Variants in AOPEP observed in about 807,000 individuals in gnomAD.
AOPEP encodes the protein aminopeptidase O (putative), also known as aminopeptidase O.
In AOPEP, 77 loss-of-function variants were observed where a neutral mutation model predicts 98.1. That is an observed-to-expected ratio of 0.78 (90% confidence interval 0.65 to 0.95). AOPEP has a LOEUF of 0.95. Among genes scored for constraint, AOPEP ranks in the 40% least tolerant of loss-of-function variants. The probability of loss-of-function intolerance (pLI) is 0.00; values close to 1 mark genes in which losing one functional copy is unlikely to be tolerated. For synonymous variants in AOPEP, 346 were observed against 365.3 expected (o/e 0.95, Z 0.60); for missense variants, 1,024 against 1,024.7 (o/e 1.00, Z 0.01).
intron 13 of AOPEP, among the ~76,000 whole-genome samples, chr9:95,009,270 A>T (rs1261344874): frequency 7.2e-6 from 1 of 139,698 alleles, no homozygotes; most frequent in African/African-American, 2.7e-5. Flanking sequence ...TCACAGATTA[A>T]GGAATGTTTT....
chr9:94,914,421 A>G (rs1464824368), intron 5 of AOPEP, among the ~76,000 whole-genome samples: 3 of 152,222 alleles, frequency 2.0e-5, no homozygotes, highest in East Asian at 3.8e-4. Flanking sequence ...TTTCACCAGG[A>G]TGAATCATAA....
chr9:94,742,505 G>T (rs1368619955), intron 1 of AOPEP, among the ~76,000 whole-genome samples: 1 of 151,936 alleles, frequency 6.6e-6, no homozygotes, highest in Non-Finnish European at 1.5e-5. Context: ...GCGATCCTTG[G>T]CTCACTGCAA....
At chr9:94,883,770 G>A in intron 5 of AOPEP, among the ~76,000 whole-genome samples, 1 of 152,156 alleles carries the variant, frequency 6.6e-6, no homozygotes, top group Non-Finnish European at 1.5e-5. Flanking sequence ...GACAGTTTCA[G>A]TTGATGGCAG....
intron 13 of AOPEP, among the ~76,000 whole-genome samples, chr9:95,058,027 A>G (rs2066985509): frequency 1.3e-5 from 2 of 152,226 alleles, no homozygotes; most frequent in South Asian, 4.1e-4. Context: ...TTAGCTTTAA[A>G]TATTTTCATT....
At chr9:94,893,084 A>C (rs2049058567) in intron 5 of AOPEP, among the ~76,000 whole-genome samples, 1 of 152,196 alleles carries the variant, frequency 6.6e-6, no homozygotes, top group Non-Finnish European at 1.5e-5. Context: ...CCTTGAGAAG[A>C]CCCTTATAGA....
At chr9:95,134,477 T>C in the AOPEP span, among the ~76,000 whole-genome samples, 4 of 152,146 alleles carry the variant, frequency 2.6e-5, no homozygotes, top group East Asian at 5.8e-4. Context: ...ACTCACTTTC[T>C]CCACTTGCAG....
intron 6 of AOPEP, among the ~76,000 whole-genome samples, chr9:94,926,163 C>T (rs2054289077): frequency 6.6e-6 from 1 of 152,204 alleles, no homozygotes; most frequent in South Asian, 2.1e-4. Context: ...CCAAAGAGTG[C>T]TCCTCCTTAC....
the AOPEP span, chr9:95,107,279 A>T: frequency 1.2e-6 from 2 of 1,612,820 alleles, no homozygotes; most frequent in Non-Finnish European, 1.7e-6. Context: ...CCTGGGCAAT[A>T]GTATTTCACA....
At chr9:94,795,811 G>A (rs573093343) in intron 4 of AOPEP, among the ~76,000 whole-genome samples, 6 of 152,122 alleles carry the variant, frequency 3.9e-5, no homozygotes, top group Non-Finnish European at 7.3e-5. Flanking sequence ...AATTCCTGTC[G>A]GGCTTTAGGG....
intron 5 of AOPEP, among the ~76,000 whole-genome samples, chr9:94,923,544 C>T (rs1415778322): frequency 6.6e-6 from 1 of 152,184 alleles, no homozygotes; most frequent in Non-Finnish European, 1.5e-5. Context: ...TTTTTCTGTC[C>T]TTCTGCATGA....
At chr9:94,960,075 A>G (rs1457109637) in intron 9 of AOPEP, among the ~76,000 whole-genome samples, 1 of 152,204 alleles carries the variant, frequency 6.6e-6, no homozygotes, top group Non-Finnish European at 1.5e-5. Context: ...CTTTACCTAT[A>G]TATTCCATTT....
chr9:94,928,583 C>A, intron 7 of AOPEP, 52 bp downstream of exon 7: 2 of 1,284,236 alleles, frequency 1.6e-6, no homozygotes, highest in Non-Finnish European at 2.2e-6. Flanking sequence ...TTCTTTCCTT[C>A]AAGACACCTC....
rs527439212 is a variant in AOPEP at position 94,976,966 on chromosome 9, C to T, written c.1917-2401C>T. ...ACAGGCGTGAGCCACTGTGCCTGGC[C>T]CAGAAGTCAGCCTCTTGCTCTGGCT... On this transcript the variant is annotated intron_variant, in intron 10 of 16. Coordinates refer to ENST00000375315, the MANE Select transcript of AOPEP (RefSeq NM_001193329.3). Among the ~76,000 whole-genome samples, 4 of 152,264 alleles carry T rather than the reference C, an allele frequency of 2.6e-5. No homozygotes were observed. The East Asian group carries it at 5.8e-4, about 22-fold the overall frequency.
intron 2 of AOPEP, among the ~76,000 whole-genome samples, chr9:94,766,821 G>A (rs1459920535): frequency 6.6e-6 from 1 of 151,530 alleles, no homozygotes; most frequent in Non-Finnish European, 1.5e-5. Context: ...AAAACATTGT[G>A]ATTTTTTTGT....
At chr9:94,858,538 C>G (rs900441359) in intron 5 of AOPEP, among the ~76,000 whole-genome samples, 4 of 152,158 alleles carry the variant, frequency 2.6e-5, no homozygotes, top group Admixed American at 6.5e-5. Context: ...TTCTGGTGGC[C>G]ACTGATGTTC....
chr9:94,757,101 G>T (rs983440582), intron 1 of AOPEP, among the ~76,000 whole-genome samples: 4 of 152,218 alleles, frequency 2.6e-5, no homozygotes, highest in Middle Eastern at 3.2e-3. Flanking sequence ...TTGGGATTCA[G>T]TGGGGCAGAA....
intron 13 of AOPEP, among the ~76,000 whole-genome samples, chr9:95,038,637 G>T (rs1199989014): frequency 6.6e-6 from 1 of 152,222 alleles, no homozygotes; most frequent in Non-Finnish European, 1.5e-5. Context: ...CTGCCTCCAA[G>T]GTGCCCTGCA....
At chr9:94,777,682 G>A (rs1336976090) in intron 3 of AOPEP, among the ~76,000 whole-genome samples, 4 of 128,780 alleles carry the variant, frequency 3.1e-5, no homozygotes, top group African/African-American at 1.2e-4. Context: ...TGTCCAGGCT[G>A]GAGTACAGTG....
intron 5 of AOPEP, among the ~76,000 whole-genome samples, chr9:94,825,891 T>C (rs1854409840): frequency 6.6e-6 from 1 of 152,238 alleles, no homozygotes; most frequent in Non-Finnish European, 1.5e-5. Context: ...GAATAACCTT[T>C]ACGTTTTAAA....
Sources: allele counts gnomAD v4.1 joint callset (sites outside exome capture counted in the v4.1 genomes callset), GRCh38; gene constraint gnomAD v4.1.1; transcripts MANE v1.5; gene names NCBI Gene and HGNC (gene_info 2026-07-23, HGNC 2026-07-21).